Variants in ETS1 observed in about 807,000 individuals in gnomAD.
ETS1 encodes protein C-ets-1.
In ETS1, 15 loss-of-function variants were observed where a neutral mutation model predicts 58.6. That is an observed-to-expected ratio of 0.26 (90% CI 0.17 to 0.39). The LOEUF (loss-of-function observed/expected upper bound fraction) is 0.39. ETS1 is among the 10% of genes least tolerant of loss of function. The pLI, the probability that ETS1 is intolerant of heterozygous loss-of-function variation, is 1.00. For synonymous variants in ETS1, 214 were observed against 218.2 expected (o/e 0.98, Z 0.17); for missense variants, 417 against 610.5 (o/e 0.68, Z 3.34).
chr11:128,541,843 G>T (rs117399419), intron 3 of ETS1, among the ~76,000 whole-genome samples: 1 of 152,138 alleles, frequency 6.6e-6, no homozygotes, highest in Non-Finnish European at 1.5e-5. Context: ...GCAATATGGT[G>T]CAATGATCTC....
intron 8 of ETS1, among the ~76,000 whole-genome samples, chr11:128,471,774 A>G (rs996558749): frequency 1.1e-4 from 16 of 152,250 alleles, no homozygotes; most frequent in Non-Finnish European, 2.2e-4. Flanking sequence ...TAATGAGAAG[A>G]AAGAAAGATA....
At chr11:128,512,208 C>T (rs1334036650) in intron 3 of ETS1, among the ~76,000 whole-genome samples, 1 of 152,116 alleles carries the variant, frequency 6.6e-6, no homozygotes, top group African/African-American at 2.4e-5. Flanking sequence ...TATGAAATGG[C>T]AATAATAATG....
intron 3 of ETS1, among the ~76,000 whole-genome samples, chr11:128,513,131 T>C (rs1278993556): frequency 6.6e-6 from 1 of 152,262 alleles, no homozygotes; most frequent in East Asian, 1.9e-4. Flanking sequence ...TCTCTGTTTC[T>C]CTGTGGAAGT....
chr11:128,472,812 A>G (rs1270627206), intron 8 of ETS1, among the ~76,000 whole-genome samples: 1 of 152,210 alleles, frequency 6.6e-6, no homozygotes, highest in Non-Finnish European at 1.5e-5. Flanking sequence ...GACCTGCAGC[A>G]TGGTCTGAAG....
At chr11:128,547,308 C>T (rs901176618) in intron 3 of ETS1, among the ~76,000 whole-genome samples, 1 of 152,178 alleles carries the variant, frequency 6.6e-6, no homozygotes, top group African/African-American at 2.4e-5. Flanking sequence ...GAGTCTCAGA[C>T]AACTTTGAGA....
At chr11:128,500,072 A>G (rs1020230321) in intron 3 of ETS1, among the ~76,000 whole-genome samples, 11 of 152,214 alleles carry the variant, frequency 7.2e-5, no homozygotes, top group African/African-American at 2.7e-4. Context: ...CGGGAAGGGC[A>G]GAAGGAAGAA....
rs768057031 is a variant in ETS1 at position 128,556,421 on chromosome 11, G to A, written c.84C>T (p.Ser28=). The change falls in exon 3 of 10, where the codon AGC becomes AGT. Residue 28 remains serine (S), a synonymous_variant. Transcript: ENST00000392668. ...TCATTCGAGGATCTTCATAAGTGTT[G>A]CTAGGTCCTTGCCTCTGTGCAAGAA... The part of the protein sequence containing the change: ...PRPAVVRQGP[S]NTYEDPRMNC... 1.2e-6 allele frequency: 2 copies of A among 1,610,092 alleles called. No homozygotes were observed. The highest frequency in any genetic ancestry group is 1.7e-5 in the Admixed American group (1 of 59,242).
intron 3 of ETS1, among the ~76,000 whole-genome samples, chr11:128,553,965 T>A (rs74573183): frequency 0.023 from 3,498 of 152,282 alleles, 62 homozygotes; most frequent in African/African-American, 0.053. Flanking sequence ...GTATTTTTTC[T>A]CTTTCTTTAT....
intron 3 of ETS1, among the ~76,000 whole-genome samples, chr11:128,533,196 A>G (rs566908242): frequency 2.0e-5 from 3 of 152,356 alleles, no homozygotes; most frequent in Non-Finnish European, 4.4e-5. Flanking sequence ...TTTAAAATAA[A>G]TTATTTGGAA....
At chr11:128,552,259 A>C (rs1444564820) in intron 3 of ETS1, among the ~76,000 whole-genome samples, 1 of 152,164 alleles carries the variant, frequency 6.6e-6, no homozygotes, top group Non-Finnish European at 1.5e-5. Flanking sequence ...TTCCTACTAC[A>C]CTAAATAGAT....
At chr11:128,531,914 A>C (rs1863903311) in intron 3 of ETS1, among the ~76,000 whole-genome samples, 2 of 152,214 alleles carry the variant, frequency 1.3e-5, no homozygotes. Context: ...CCCATTAGGC[A>C]GCACCTTACT....
At chr11:128,578,942 C>G (rs1565418284) in intron 1 of ETS1, among the ~76,000 whole-genome samples, 2 of 152,122 alleles carry the variant, frequency 1.3e-5, no homozygotes, top group Non-Finnish European at 2.9e-5. Flanking sequence ...ATTTTACATT[C>G]CCACTAAATG....
chr11:128,584,492 T>C (rs1864934045), intron 1 of ETS1, among the ~76,000 whole-genome samples: 1 of 152,152 alleles, frequency 6.6e-6, no homozygotes, highest in South Asian at 2.1e-4. Flanking sequence ...ACCTCAAAAC[T>C]TCATTGTAGA....
intron 1 of ETS1, among the ~76,000 whole-genome samples, chr11:128,584,010 T>A (rs776413608): frequency 6.6e-6 from 1 of 152,264 alleles, no homozygotes; most frequent in Non-Finnish European, 1.5e-5. Context: ...TTCATTTTTA[T>A]CCTCTTTTCT....
intron 8 of ETS1, among the ~76,000 whole-genome samples, chr11:128,469,638 G>A (rs1862131624): frequency 6.6e-6 from 1 of 152,122 alleles, no homozygotes; most frequent in Non-Finnish European, 1.5e-5. Flanking sequence ...ACAGTTTCTT[G>A]GCCTCTGGAC....
intron 5 of ETS1, 31 bp from the exon 6 acceptor site, chr11:128,486,177 A>G: frequency 7.2e-7 from 1 of 1,380,792 alleles, no homozygotes; most frequent in East Asian, 2.3e-5. Context: ...AGGAACAAAG[A>G]GGTCAATATT....
intron 2 of ETS1, among the ~76,000 whole-genome samples, chr11:128,566,146 T>C (rs1187646271): frequency 6.6e-6 from 1 of 152,224 alleles, no homozygotes; most frequent in Non-Finnish European, 1.5e-5. Flanking sequence ...TGCAGGGCAG[T>C]GATGAAACAA....
At chr11:128,510,536 T>C (rs1273914558) in intron 3 of ETS1, among the ~76,000 whole-genome samples, 1 of 152,128 alleles carries the variant, frequency 6.6e-6, no homozygotes, top group Non-Finnish European at 1.5e-5. Context: ...TATTGGTACA[T>C]GGAGGGCACC....
At position 128,552,801 on chromosome 11, in the gene ETS1, T is replaced by C. The variant is rs564727294; in HGVS notation, c.214+3490A>G. ...CAGGCAGTGTCTGACTTCAGCTAGG[T>C]CTAGGCACCACTCTGAGGCTCGCTA... On this transcript the variant is annotated intron_variant, in intron 3 of 9. Coordinates refer to ENST00000392668, the MANE Select transcript of ETS1 (RefSeq NM_001143820.2). 5.3e-5 allele frequency among the ~76,000 whole-genome samples: 8 copies of C among 152,290 alleles called. No homozygotes were observed. The East Asian group carries it at 1.5e-3, about 29-fold the overall frequency.
Sources: allele counts gnomAD v4.1 joint callset (sites outside exome capture counted in the v4.1 genomes callset), GRCh38; gene constraint gnomAD v4.1.1; transcripts MANE v1.5; gene names NCBI Gene and HGNC (gene_info 2026-07-23, HGNC 2026-07-21).